ASIC1: variants seen among roughly 807,000 people sequenced by gnomAD.
The protein encoded by ASIC1 is acid-sensing ion channel 1.
A neutral mutation model predicts 63.4 loss-of-function variants in ASIC1; 21 were observed. That is an observed-to-expected ratio of 0.33 (90% CI 0.23 to 0.48). ASIC1 has a LOEUF of 0.48. Ranked by LOEUF, ASIC1 falls within the 20% of genes least tolerant of loss-of-function variation. The probability of loss-of-function intolerance (pLI) is 0.99; values close to 1 mark genes in which losing one functional copy is unlikely to be tolerated. For synonymous variants in ASIC1, 258 were observed against 278.2 expected (o/e 0.93, Z 0.72); for missense variants, 478 against 695.5 (o/e 0.69, Z 3.52).
intron 3 of ASIC1, among the ~76,000 whole-genome samples, chr12:50,063,733 A>G (rs1022333080): frequency 5.9e-5 from 9 of 152,092 alleles, no homozygotes; most frequent in Non-Finnish European, 1.3e-4. Context: ...AGATGCTGCA[A>G]TGAGAGGTGG....
rs562472336 is a variant in ASIC1, at chr12:50,066,407, G to A, written c.558+6453G>A. ...GGGTGCTCTGTTGAGAAGCAGTGTG[G>A]AGAGGCAGGAAGGGCAAGAAAGGGT... On this transcript the variant is annotated intron_variant, in intron 3 of 11. Coordinates refer to ENST00000447966, the MANE Select transcript of ASIC1 (RefSeq NM_001095.4). 8.6e-4 allele frequency among the ~76,000 whole-genome samples: 131 copies of A among 152,252 alleles called. 1 individual carries two copies. The highest frequency in any genetic ancestry group is 3.1e-3 in the African/African-American group (130 of 41,526).
chr12:50,081,205 C>A (rs1430582189), intron 10 of ASIC1, 24 bp downstream of exon 10: 4 of 1,607,902 alleles, frequency 2.5e-6, no homozygotes, highest in Non-Finnish European at 3.4e-6. Flanking sequence ...AGGCCCGGCA[C>A]GGGGCCACGT....
intron 3 of ASIC1, among the ~76,000 whole-genome samples, chr12:50,064,557 A>C (rs1950529324): frequency 6.6e-6 from 1 of 152,202 alleles, no homozygotes; most frequent in South Asian, 2.1e-4. Flanking sequence ...TCAGTAACTA[A>C]GTGCCTCTGG....
chr12:50,078,160 G>C lies in ASIC1; in HGVS notation c.837+33G>C, dbSNP rs1382777843. 1 of 1,596,028 alleles carries C rather than the reference G, an allele frequency of 6.3e-7. No homozygotes were observed. The highest frequency in any genetic ancestry group is 1.3e-5 in the African/African-American group (1 of 74,228). On this transcript the variant is annotated intron_variant, in intron 5 of 11. Coordinates refer to ENST00000447966, the MANE Select transcript of ASIC1 (RefSeq NM_001095.4). The surrounding 1 kb of genome is among the most constrained non-coding windows in gnomAD (Gnocchi z 6.0). ...GGCCATGGGAGGCTGGTCCTGGGGT[G>C]GGGTATTGAGGGGTCCAGATGGAGT...
intron 3 of ASIC1, among the ~76,000 whole-genome samples, chr12:50,063,178 A>T (rs1470222996): frequency 6.6e-6 from 1 of 151,940 alleles, no homozygotes. Context: ...AGCCAGGCCA[A>T]GGCAGGGCAG....
rs1042406875 is a variant in ASIC1, at chr12:50,057,877, G to A, written c.-56G>A. 2.6e-4 allele frequency: 39 copies of A among 151,516 alleles called. No homozygotes were observed. The highest frequency in any genetic ancestry group is 9.4e-4 in the African/African-American group (39 of 41,288). 9.4% of individuals were successfully genotyped at this position (151,516 alleles called of 1,614,324 possible). On this transcript the variant is annotated 5_prime_UTR_variant, in exon 1 of 12. Transcript: ENST00000447966. This position sits in a 1 kb window ranked among gnomAD's most constrained non-coding sequence, Gnocchi z 4.7. ...AGCCCGCCACCGGTCCAGCGCCCCA[G>A]GACCCGCCGCCGGCTGCCGGCTTGC...
At chr12:50,079,095 C>T in intron 7 of ASIC1, 115 bp downstream of exon 7, 3 of 1,027,976 alleles carry the variant, frequency 2.9e-6, no homozygotes, top group South Asian at 1.4e-5. Context: ...GACTGGGCTG[C>T]ACCCTCTCTT....
intron 3 of ASIC1, among the ~76,000 whole-genome samples, chr12:50,068,246 G>A (rs1425579614): frequency 1.3e-5 from 2 of 152,040 alleles, no homozygotes; most frequent in Non-Finnish European, 2.9e-5. Context: ...ATATGAATAT[G>A]CCACAATTGA....
chr12:50,077,405 C>T (rs976556485), intron 4 of ASIC1, 42 bp downstream of exon 4: 1 of 1,610,792 alleles, frequency 6.2e-7, no homozygotes, highest in Non-Finnish European at 8.5e-7. Flanking sequence ...TGGCTCTAGG[C>T]CCCAGCCTCT....
At chr12:50,068,303 T>G (rs1305979406) in intron 3 of ASIC1, among the ~76,000 whole-genome samples, 1 of 152,160 alleles carries the variant, frequency 6.6e-6, no homozygotes, top group African/African-American at 2.4e-5. Context: ...AGTTTTTGGC[T>G]CTTATCTATA....
chr12:50,060,451 A>G (rs992670649), intron 3 of ASIC1, among the ~76,000 whole-genome samples: 2 of 152,214 alleles, frequency 1.3e-5, no homozygotes, highest in South Asian at 2.1e-4. Context: ...CTAAAGTTTG[A>G]GAAGCACCGT....
At chr12:50,077,733 ACT>A (rs1463851272) in intron 4 of ASIC1, among the ~76,000 whole-genome samples, 1 of 151,916 alleles carries the variant, frequency 6.6e-6, no homozygotes, top group Non-Finnish European at 1.5e-5. Context: ...AAACAGTGAC[ACT>A]CTGGGAGAAA....
chr12:50,061,232 T>C (rs1950498039), intron 3 of ASIC1, among the ~76,000 whole-genome samples: 1 of 152,184 alleles, frequency 6.6e-6, no homozygotes, highest in South Asian at 2.1e-4. Flanking sequence ...GAACTGTATT[T>C]GTGCAGAAAG....
At position 50,081,374 on chromosome 12, in the gene ASIC1, C is replaced by G. The variant is rs375340440; in HGVS notation, c.1482+10C>G. Reference sequence around the variant, plus strand: ...CGACGTCAAAAGACACGTGAGGGAGCGAGCGAGGGCGCCCTCCAGCCCGCC... The same window carrying G: ...CGACGTCAAAAGACACGTGAGGGAGGGAGCGAGGGCGCCCTCCAGCCCGCC... On this transcript the variant is annotated intron_variant, in intron 11 of 11. Coordinates refer to ENST00000447966, the MANE Select transcript of ASIC1 (RefSeq NM_001095.4). 19 of 1,575,554 alleles carry G rather than the reference C, an allele frequency of 1.2e-5. No homozygotes were observed. Among genetic ancestry groups the G allele is most frequent in the Non-Finnish European group, 1.7e-6 (2 of 1,160,570 alleles).
intron 9 of ASIC1, 24 bp from the exon 10 acceptor site, chr12:50,081,077 AC>A (rs746216151): frequency 2.6e-6 from 4 of 1,557,668 alleles, no homozygotes; most frequent in Admixed American, 3.9e-5. Flanking sequence ...GACCCCACTG[AC>A]CCCCCTGGCG....
intron 3 of ASIC1, among the ~76,000 whole-genome samples, chr12:50,066,960 C>T (rs915311325): frequency 5.3e-5 from 8 of 152,182 alleles, no homozygotes; most frequent in Non-Finnish European, 1.0e-4. Flanking sequence ...TCTGTCTCTC[C>T]CTGCTCTACA....
intron 3 of ASIC1, among the ~76,000 whole-genome samples, chr12:50,073,055 G>A (rs1213764799): frequency 1.3e-5 from 2 of 152,126 alleles, no homozygotes; most frequent in Non-Finnish European, 2.9e-5. Context: ...GGACACTGAG[G>A]GATATGCTGA....
chr12:50,068,475 T>A (rs1950566846), intron 3 of ASIC1, among the ~76,000 whole-genome samples: 1 of 152,256 alleles, frequency 6.6e-6, no homozygotes, highest in Non-Finnish European at 1.5e-5. Context: ...ATCTTTTTTT[T>A]AAACTTTATA....
Position 50,078,687 on chromosome 12 carries a change from CCACACCCACCT to C in ASIC1, c.994+111_994+121del. The C allele has an allele frequency of 6.7e-7, 1 of 1,498,508 alleles. No individual in the cohort carries two copies. Among genetic ancestry groups the C allele is most frequent in the South Asian group, 1.2e-5 (1 of 84,128 alleles). 92.8% of individuals were successfully genotyped at this position (1,498,508 alleles called of 1,614,324 possible). ...AACCCCAGTTCCAGCCCACCCCATC[CCACACCCACCT>C]GGCTCATGTCTCTCTGACCTCAGTT... On this transcript the variant is annotated intron_variant, in intron 6 of 11. Transcript: ENST00000447966. The surrounding 1 kb of genome is among the most constrained non-coding windows in gnomAD (Gnocchi z 6.0).
Sources: allele counts gnomAD v4.1 joint callset (sites outside exome capture counted in the v4.1 genomes callset), GRCh38; gene constraint gnomAD v4.1.1; non-coding constraint Gnocchi (gnomAD v3.1); transcripts MANE v1.5; gene names NCBI Gene and HGNC (gene_info 2026-07-23, HGNC 2026-07-21).